OPCML: variants seen among roughly 807,000 people sequenced by gnomAD.
OPCML encodes the protein opioid-binding protein/cell adhesion molecule.
A neutral mutation model predicts 37.8 loss-of-function variants in OPCML; 13 were observed. The observed-to-expected ratio is 0.34, with a 90% CI of 0.22 to 0.55. The LOEUF (loss-of-function observed/expected upper bound fraction) is 0.55, where lower values mean the gene tolerates loss of function less well. Ranked by LOEUF, OPCML falls within the 20% of genes least tolerant of loss-of-function variation. The probability of loss-of-function intolerance (pLI) is 0.91; values close to 1 mark genes in which losing one functional copy is unlikely to be tolerated. For synonymous variants in OPCML, 176 were observed against 168.8 expected, an observed-to-expected ratio of 1.04 and a Z score of -0.33; for missense variants, 341 against 435.6, an observed-to-expected ratio of 0.78 and a Z score of 1.93.
chr11:132,889,260 G>C (rs918056363), intron 2 of OPCML, among the ~76,000 whole-genome samples: 8 of 152,164 alleles, frequency 5.3e-5, no homozygotes, highest in South Asian at 4.1e-4. Context: ...CTGTTCTTAC[G>C]TTAAAACACC....
intron 4 of OPCML, among the ~76,000 whole-genome samples, chr11:132,482,394 C>G (rs931093586): frequency 2.0e-5 from 3 of 151,626 alleles, no homozygotes; most frequent in Non-Finnish European, 2.9e-5. Context: ...TCAGAATAGA[C>G]CAATAACAGG....
At chr11:133,279,634 C>T (rs1043128153) in intron 1 of OPCML, among the ~76,000 whole-genome samples, 2 of 152,192 alleles carry the variant, frequency 1.3e-5, no homozygotes, top group African/African-American at 2.4e-5. Flanking sequence ...TCACCACCTC[C>T]ACCCCATGCC....
At chr11:132,502,862 C>T (rs548303987) in intron 4 of OPCML, among the ~76,000 whole-genome samples, 4 of 152,154 alleles carry the variant, frequency 2.6e-5, no homozygotes, top group South Asian at 4.1e-4. Flanking sequence ...TCCTCTCTCA[C>T]GATGACGATG....
intron 1 of OPCML, among the ~76,000 whole-genome samples, chr11:133,180,628 A>T (rs551312703): frequency 6.6e-6 from 1 of 152,206 alleles, no homozygotes; most frequent in African/African-American, 2.4e-5. Flanking sequence ...AGTTCAGGCT[A>T]GAAGGGAGGA....
At chr11:132,457,042 G>A (rs968430243) in intron 4 of OPCML, among the ~76,000 whole-genome samples, 3 of 152,150 alleles carry the variant, frequency 2.0e-5, no homozygotes, top group Non-Finnish European at 4.4e-5. Flanking sequence ...AAGACAGGAG[G>A]CCACAGAACC....
At chr11:133,036,640 G>A (rs1947789067) in intron 1 of OPCML, among the ~76,000 whole-genome samples, 1 of 152,228 alleles carries the variant, frequency 6.6e-6, no homozygotes, top group Admixed American at 6.5e-5. Context: ...GTATTCTATA[G>A]AGCATATGAA....
At chr11:132,666,489 C>G (rs1332638119) in intron 2 of OPCML, among the ~76,000 whole-genome samples, 2 of 152,208 alleles carry the variant, frequency 1.3e-5, no homozygotes, top group Non-Finnish European at 2.9e-5. Flanking sequence ...TTGGGGCTCA[C>G]ATTTCTAGAT....
intron 1 of OPCML, among the ~76,000 whole-genome samples, chr11:133,382,757 G>A (rs1021164940): frequency 3.3e-5 from 5 of 152,234 alleles, no homozygotes; most frequent in South Asian, 4.1e-4. Context: ...CCCACCGATC[G>A]ATGTTCTGTC....
At chr11:133,442,148 A>G (rs1946377437) in intron 1 of OPCML, among the ~76,000 whole-genome samples, 1 of 152,200 alleles carries the variant, frequency 6.6e-6, no homozygotes, top group Non-Finnish European at 1.5e-5. Flanking sequence ...ACTTGCCCAC[A>G]GATACTCAGC....
intron 3 of OPCML, among the ~76,000 whole-genome samples, chr11:132,609,484 A>G (rs2575888): frequency 0.73 from 110,728 of 151,752 alleles, 40,799 homozygotes; most frequent in East Asian, 0.87. Flanking sequence ...CTGCTTGGAA[A>G]AGCCACACCA....
At chr11:133,377,999 A>C (rs993832422) in intron 1 of OPCML, among the ~76,000 whole-genome samples, 6 of 152,206 alleles carry the variant, frequency 3.9e-5, no homozygotes, top group African/African-American at 1.4e-4. Context: ...TTAATACGCC[A>C]TATTGAGCTG....
At chr11:133,502,215 G>A (rs1008470508) in intron 1 of OPCML, among the ~76,000 whole-genome samples, 7 of 152,292 alleles carry the variant, frequency 4.6e-5, no homozygotes, top group Non-Finnish European at 8.8e-5. Context: ...CGTGAACTCT[G>A]GTATGCTCTC....
chr11:132,968,071 A>G (rs1946253845), intron 1 of OPCML, among the ~76,000 whole-genome samples: 1 of 152,180 alleles, frequency 6.6e-6, no homozygotes, highest in East Asian at 1.9e-4. Context: ...TGGATTTGAC[A>G]AATATATATC....
chr11:133,034,525 G>T (rs1427013044), intron 1 of OPCML, among the ~76,000 whole-genome samples: 3 of 152,166 alleles, frequency 2.0e-5, no homozygotes, highest in African/African-American at 7.2e-5. Flanking sequence ...GAGTTAGATT[G>T]TTCAGGGTTG....
intron 2 of OPCML, among the ~76,000 whole-genome samples, chr11:132,672,575 T>A (rs1285874631): frequency 1.3e-5 from 2 of 152,222 alleles, no homozygotes; most frequent in Non-Finnish European, 2.9e-5. Flanking sequence ...AACATATTTG[T>A]TATTTTAGCG....
intron 1 of OPCML, among the ~76,000 whole-genome samples, chr11:133,236,194 A>G (rs969615486): frequency 3.3e-5 from 5 of 152,268 alleles, no homozygotes; most frequent in African/African-American, 1.2e-4. Flanking sequence ...GCACTGCGAT[A>G]ATCCCCACAG....
chr11:133,248,920 G>A (rs1013742020), intron 1 of OPCML, among the ~76,000 whole-genome samples: 5 of 152,262 alleles, frequency 3.3e-5, no homozygotes, highest in South Asian at 2.1e-4. Flanking sequence ...AGGAGAAATC[G>A]TGAGATTAAA....
At chr11:132,435,985 T>C in intron 7 of OPCML, 101 bp downstream of exon 7, 1 of 1,227,432 alleles carries the variant, frequency 8.1e-7, no homozygotes, top group East Asian at 2.4e-5. Context: ...TTGAGTAGGA[T>C]GGATGGACAC....
chr11:133,222,419 C>G (rs575287957), intron 1 of OPCML, among the ~76,000 whole-genome samples: 1 of 152,156 alleles, frequency 6.6e-6, no homozygotes, highest in South Asian at 2.1e-4. Flanking sequence ...GCCAACAGGA[C>G]GAGCTGAGGA....
Sources: gnomAD v4.1 joint callset for allele counts (sites outside exome capture counted in the v4.1 genomes callset) on GRCh38, gnomAD v4.1.1 for gene constraint, MANE v1.5 for transcripts, NCBI Gene and HGNC (gene_info 2026-07-23, HGNC 2026-07-21) for gene names.